Variants in NHLH2 observed in about 807,000 individuals in gnomAD.
The protein encoded by NHLH2 is helix-loop-helix protein 2.
A neutral mutation model predicts 7.3 loss-of-function variants in NHLH2; 7 were observed. The observed-to-expected ratio is 0.96, with a 90% CI of 0.55 to 1.81. The LOEUF (loss-of-function observed/expected upper bound fraction) is 1.81, where lower values mean the gene tolerates loss of function less well. NHLH2 is among the 40% of genes most tolerant of loss of function. The probability of loss-of-function intolerance (pLI) is 0.00; values close to 1 mark genes in which losing one functional copy is unlikely to be tolerated. For synonymous variants in NHLH2, 93 were observed against 91.6 expected, an observed-to-expected ratio of 1.01 and a Z score of -0.09; for missense variants, 155 against 194.0, an observed-to-expected ratio of 0.80 and a Z score of 1.19.
downstream of NHLH2, among the ~76,000 whole-genome samples, chr1:115,834,856 A>G (rs561129779): frequency 1.3e-5 from 2 of 152,320 alleles, no homozygotes; most frequent in South Asian, 4.1e-4. Flanking sequence ...CAATAAACAA[A>G]GGTTAAATGT....
rs749863053 is a variant in NHLH2, at chr1:115,840,517, C to T, written c.-310G>A. On this transcript the variant is annotated 5_prime_UTR_variant, in exon 2 of 3. Coordinates refer to ENST00000320238, the MANE Select transcript of NHLH2 (RefSeq NM_005599.3). The stretch of plus-strand genomic sequence containing the variant: ...TTTTTTAAACGATGTGTTGAAAAGT[C>T]TCGTGCCTTTTTTCCTCTTCTAGGT... 1 of 166,954 alleles carries T rather than the reference C, an allele frequency of 6.0e-6. No homozygotes were observed. The highest frequency in any genetic ancestry group is 2.4e-5 in the African/African-American group (1 of 41,430). 10.3% of individuals were successfully genotyped at this position (166,954 alleles called of 1,614,324 possible).
downstream of NHLH2, among the ~76,000 whole-genome samples, chr1:115,833,600 C>T (rs1650800731): frequency 6.6e-6 from 1 of 152,124 alleles, no homozygotes. Flanking sequence ...CTAAGCAAGT[C>T]ATCTAATTTC....
In NHLH2 at chr1:115,838,359, G is replaced by C; in HGVS notation, c.14C>G (p.Pro5Arg). The change falls in exon 3 of 3, where the codon CCG becomes CGG. Residue 5 changes from proline to arginine, a missense_variant. Coordinates refer to ENST00000320238, the MANE Select transcript of NHLH2 (RefSeq NM_005599.3). MMLS[P>R]DQAADSDHPS... ...ATGGTCCGAATCTGCTGCTTGGTCC[G>C]GACTCAGCATCATTTTGGAGGCTGA... The C allele has an allele frequency of 6.2e-7, 1 of 1,609,056 alleles. No homozygotes were observed. Among genetic ancestry groups the C allele is most frequent in the Non-Finnish European group, 8.5e-7 (1 of 1,179,170 alleles).
rs1275198607 is a variant in NHLH2 at position 115,838,366 on chromosome 1, G to A, written c.7C>T (p.Leu3=). The A allele has an allele frequency of 6.2e-6, 10 of 1,608,914 alleles. No individual in the cohort carries two copies. Among genetic ancestry groups the A allele is most frequent in the African/African-American group, 1.3e-5 (1 of 74,578 alleles). The stretch of plus-strand genomic sequence containing the variant: ...GAATCTGCTGCTTGGTCCGGACTCA[G>A]CATCATTTTGGAGGCTGAGGAGGGG... MM[L]SPDQAADSDH... Residue 3 remains leucine, a synonymous_variant, in exon 3 of 3, where the codon CTG becomes TTG. Transcript: ENST00000320238.
Position 115,838,356 on chromosome 1 carries a change from T to C in NHLH2, c.17A>G (p.Asp6Gly). The C allele has an allele frequency of 6.2e-7, 1 of 1,609,236 alleles. No homozygotes were observed. The highest frequency in any genetic ancestry group is 8.5e-7 in the Non-Finnish European group (1 of 1,179,244). MMLSP[D>G]QAADSDHPSS... ...GGGATGGTCCGAATCTGCTGCTTGG[T>C]CCGGACTCAGCATCATTTTGGAGGC... Residue 6 changes from aspartate to glycine, a missense_variant, in exon 3 of 3, where the codon GAC becomes GGC. Transcript: ENST00000320238.
chr1:115,838,179 C>G lies in NHLH2; in HGVS notation c.194G>C (p.Arg65Pro). 1 of 1,576,166 alleles carries G rather than the reference C, an allele frequency of 6.3e-7. No individual in the cohort carries two copies. The highest frequency in any genetic ancestry group is 8.6e-7 in the Non-Finnish European group (1 of 1,162,428). The part of the protein sequence containing the change: ...ALYPHPQQLS[R>P]EEKRRRRRAT... ...GCGCCGGCGGCGGCGCTTCTCCTCG[C>G]GGCTCAGCTGCTGCGGGTGCGGGTA... Residue 65 changes from arginine (R) to proline (P), a missense_variant, in exon 3 of 3, where the codon CGC (arginine) becomes CCC (proline). Physicochemically the swap from Arg to Pro is moderately radical, Grantham distance 103 (BLOSUM62 -2). Around this residue, in one of 2 missense-constraint regions of NHLH2, gnomAD observed 64 missense variants for 107.4 expected, o/e 0.60. Coordinates refer to ENST00000320238, the MANE Select transcript of NHLH2 (RefSeq NM_005599.3).
intron 2 of NHLH2, chr1:115,839,864 G>C (rs938792706): frequency 5.4e-5 from 9 of 167,072 alleles, no homozygotes; most frequent in South Asian, 4.1e-4. Context: ...GGTCCTCTAC[G>C]GCAAAATAAA....
At chr1:115,831,758 A>C (rs1222284793), downstream of NHLH2, among the ~76,000 whole-genome samples, 1 of 151,852 alleles carries the variant, frequency 6.6e-6, no homozygotes, top group Non-Finnish European at 1.5e-5. Flanking sequence ...CCGTCTCTAC[A>C]AAAAATACAA....
At chr1:115,833,728 T>G (rs1027355282), downstream of NHLH2, among the ~76,000 whole-genome samples, 8 of 152,214 alleles carry the variant, frequency 5.3e-5, no homozygotes, top group African/African-American at 1.7e-4. Flanking sequence ...GCATGTAGTA[T>G]ACACTCAACC....
At chr1:115,838,539 A>G (rs1324631761) in intron 2 of NHLH2, 159 bp from the exon 3 acceptor site, 1 of 729,132 alleles carries the variant, frequency 1.4e-6, no homozygotes, top group Non-Finnish European at 2.1e-6. Flanking sequence ...CGCCGATAGG[A>G]TCTGGCCCGA....
At chr1:115,838,462 G>A (rs1650949502) in intron 2 of NHLH2, 82 bp from the exon 3 acceptor site, 3 of 1,481,188 alleles carry the variant, frequency 2.0e-6, no homozygotes, top group Admixed American at 1.9e-5. Context: ...CTACCACGCC[G>A]GTCCTCCCAG....
chr1:115,838,147 C>G lies in NHLH2; in HGVS notation c.226G>C (p.Ala76Pro), dbSNP rs1467628059. 6.3e-7 allele frequency: 1 copy of G among 1,593,296 alleles called. No individual in the cohort carries two copies. Among genetic ancestry groups the G allele is most frequent in the South Asian group, 1.1e-5 (1 of 88,908 alleles). The change falls in exon 3 of 3, where the codon GCC (alanine) becomes CCC (proline). Residue 76 changes from alanine (A) to proline (P), a missense_variant. Ala to Pro is a conservative substitution (Grantham distance 27). This residue lies in a region of NHLH2 where 64 missense variants were observed against 107.4 expected (regional missense o/e 0.60). Coordinates refer to ENST00000320238, the MANE Select transcript of NHLH2 (RefSeq NM_005599.3). ...GTGGCGTGGGCCGAGCGGTACTTGG[C>G]CGTGGCGCGCCGGCGGCGGCGCTTC... ...EEKRRRRRAT[A>P]KYRSAHATRE... is the part of the protein sequence containing the mutation.
intron 2 of NHLH2, chr1:115,839,469 T>G (rs1188163859): frequency 6.0e-6 from 1 of 166,824 alleles, no homozygotes; most frequent in African/African-American, 2.4e-5. Context: ...TGTGCCCTCT[T>G]GGAAACGCCA....
chr1:115,834,142 C>G (rs556048144), downstream of NHLH2, among the ~76,000 whole-genome samples: 21 of 152,336 alleles, frequency 1.4e-4, no homozygotes, highest in African/African-American at 5.1e-4. Flanking sequence ...CCATCATACA[C>G]TGCCCCTCCT....
chr1:115,839,595 G>A (rs1197814128), intron 2 of NHLH2: 1 of 166,932 alleles, frequency 6.0e-6, no homozygotes, highest in Admixed American at 6.5e-5. Context: ...GAAAGGGCCC[G>A]GCAGGAGGAG....
downstream of NHLH2, among the ~76,000 whole-genome samples, chr1:115,835,052 T>C (rs1650835259): frequency 6.6e-6 from 1 of 152,188 alleles, no homozygotes; most frequent in African/African-American, 2.4e-5. Flanking sequence ...ATTGCAAAGA[T>C]CCTCTCCTGA....
At chr1:115,835,462 G>A (rs1650845534), downstream of NHLH2, among the ~76,000 whole-genome samples, 1 of 152,138 alleles carries the variant, frequency 6.6e-6, no homozygotes, top group Non-Finnish European at 1.5e-5. Flanking sequence ...CCAGATACAA[G>A]GCAACAGAAG....
chr1:115,840,112 C>T (rs753768466), intron 2 of NHLH2, 104 bp downstream of exon 2: 1 of 166,932 alleles, frequency 6.0e-6, no homozygotes, highest in East Asian at 1.9e-4. Flanking sequence ...AATAGTATGC[C>T]GTGTATGCGT....
downstream of NHLH2, among the ~76,000 whole-genome samples, chr1:115,833,387 G>A (rs1386782440): frequency 1.3e-5 from 2 of 152,228 alleles, no homozygotes; most frequent in Admixed American, 6.5e-5. Context: ...TGGTTGGGCA[G>A]CTGTGTGTAC....
Sources: allele counts gnomAD v4.1 joint callset (sites outside exome capture counted in the v4.1 genomes callset), GRCh38; gene constraint gnomAD v4.1.1; regional missense constraint gnomAD v4.1.1; transcripts MANE v1.5; gene names NCBI Gene and HGNC (gene_info 2026-07-23, HGNC 2026-07-21).